PDE4D: variants seen among roughly 807,000 people sequenced by gnomAD.
The protein encoded by PDE4D is 3',5'-cyclic-AMP phosphodiesterase 4D.
A neutral mutation model predicts 87.4 loss-of-function variants in PDE4D; 24 were observed. The observed-to-expected ratio is 0.27, with a 90% confidence interval of 0.20 to 0.39. The LOEUF (loss-of-function observed/expected upper bound fraction) is 0.39, where lower values mean the gene tolerates loss of function less well. Among genes scored for constraint, PDE4D ranks in the 10% least tolerant of loss-of-function variants. The probability of loss-of-function intolerance (pLI) is 1.00; values close to 1 mark genes in which losing one functional copy is unlikely to be tolerated. For synonymous variants in PDE4D, 384 were observed against 383.2 expected, an observed-to-expected ratio of 1.00 and a Z score of -0.02; for missense variants, 714 against 1,041.0, an observed-to-expected ratio of 0.69 and a Z score of 4.32.
chr5:59,356,672 A>T lies in PDE4D; in HGVS notation c.456-140704T>A, dbSNP rs934936783. The T allele has an allele frequency of 5.0e-6, 5 of 1,007,900 alleles. No individual in the cohort carries two copies. The African/African-American group carries it at 8.4e-5, about 17-fold the overall frequency. The allele number at this position is 1,007,900 out of a possible 1,614,324, so 62.4% of individuals were successfully genotyped here. On this transcript the variant is annotated intron_variant, in intron 1 of 14. Coordinates refer to ENST00000340635, the MANE Select transcript of PDE4D (RefSeq NM_001104631.2). ...AATTTAACAAGCATTAGGAGTTAGAAGGTCAACATAGGGCAAAGGCTTATT... is the reference window on the plus strand; with the variant it reads ...AATTTAACAAGCATTAGGAGTTAGATGGTCAACATAGGGCAAAGGCTTATT...
intron 1 of PDE4D, chr5:59,587,604 C>T: frequency 3.0e-6 from 3 of 985,400 alleles, no homozygotes; most frequent in Non-Finnish European, 3.6e-6. Context: ...TTGCAGGCTC[C>T]GTGGTACTGT....
At chr5:59,336,613 G>A (rs1232110030) in intron 1 of PDE4D, among the ~76,000 whole-genome samples, 1 of 152,198 alleles carries the variant, frequency 6.6e-6, no homozygotes, top group Non-Finnish European at 1.5e-5. Context: ...CATGACCTCT[G>A]TTCTCACAGC....
upstream of PDE4D, among the ~76,000 whole-genome samples, chr5:59,896,447 C>T (rs1477150074): frequency 1.3e-5 from 2 of 151,912 alleles, no homozygotes; most frequent in East Asian, 3.9e-4. Context: ...AGAGCTAATC[C>T]AGCACACAAA....
At chr5:60,153,207 T>C (rs1781667519) in intron 2 of PDE4D, among the ~76,000 whole-genome samples, 1 of 152,194 alleles carries the variant, frequency 6.6e-6, no homozygotes, top group South Asian at 2.1e-4. Flanking sequence ...TATTAAAATA[T>C]TGACAAAGGA....
chr5:59,003,558 A>T (rs1354502122), intron 6 of PDE4D, among the ~76,000 whole-genome samples: 1 of 152,156 alleles, frequency 6.6e-6, no homozygotes, highest in African/African-American at 2.4e-5. Flanking sequence ...TTAAGCTCCT[A>T]CTCTATGTCA....
chr5:59,854,724 T>C (rs1484173072), intron 1 of PDE4D, among the ~76,000 whole-genome samples: 2 of 152,080 alleles, frequency 1.3e-5, no homozygotes, highest in Non-Finnish European at 2.9e-5. Flanking sequence ...TATTGCACAA[T>C]TAATACAGTC....
intron 1 of PDE4D, among the ~76,000 whole-genome samples, chr5:59,585,088 G>C (rs1393124546): frequency 6.6e-6 from 1 of 152,130 alleles, no homozygotes; most frequent in African/African-American, 2.4e-5. Flanking sequence ...AGGTTTGCAG[G>C]CATGTCACCC....
chr5:59,456,485 C>T (rs923531675), intron 1 of PDE4D, among the ~76,000 whole-genome samples: 4 of 152,082 alleles, frequency 2.6e-5, no homozygotes, highest in Non-Finnish European at 4.4e-5. Context: ...TTCCCAGTCT[C>T]GGGTATTTCT....
At chr5:59,213,650 T>G (rs1750577754) in intron 2 of PDE4D, among the ~76,000 whole-genome samples, 1 of 152,144 alleles carries the variant, frequency 6.6e-6, no homozygotes, top group Non-Finnish European at 1.5e-5. Flanking sequence ...TTTAAAGAGA[T>G]GCCTGCATTT....
intron 1 of PDE4D, among the ~76,000 whole-genome samples, chr5:59,506,790 C>T (rs547615236): frequency 4.6e-5 from 7 of 151,954 alleles, no homozygotes; most frequent in East Asian, 3.9e-4. Flanking sequence ...AAAGATAATA[C>T]GAAGTGTTGA....
Position 58,972,237 on chromosome 5 carries a change from ATAAAAT to A in PDE4D, c.*2421_*2426del, listed in dbSNP as rs1175379138. The A allele has an allele frequency of 3.9e-5, 6 of 152,622 alleles. No individual in the cohort carries two copies. Among genetic ancestry groups the A allele is most frequent in the African/African-American group, 1.2e-4 (5 of 41,458 alleles). 9.5% of individuals were successfully genotyped at this position (152,622 alleles called of 1,614,324 possible). A position where few individuals can be genotyped will look rare whatever the true frequency, so the allele number is the denominator to read the frequency against. On this transcript the variant is annotated 3_prime_UTR_variant, in exon 15 of 15. Transcript: ENST00000340635. ...CTTTCTAGACTTCACTCAGGGACAA[ATAAAAT>A]TAAAAGAAACAAGTTCCCAAATATT...
intron 3 of PDE4D, among the ~76,000 whole-genome samples, chr5:59,911,894 G>C (rs953310128): frequency 1.3e-5 from 2 of 151,962 alleles, no homozygotes; most frequent in Non-Finnish European, 2.9e-5. Context: ...CCAAAACATA[G>C]GAATAATTTC....
intron 1 of PDE4D, among the ~76,000 whole-genome samples, chr5:60,243,787 T>C (rs1747403241): frequency 6.6e-6 from 1 of 151,952 alleles, no homozygotes; most frequent in African/African-American, 2.4e-5. Flanking sequence ...AAAACCTATG[T>C]ATAGAAGGAA....
At chr5:59,139,172 G>T (rs535046992) in intron 5 of PDE4D, among the ~76,000 whole-genome samples, 3 of 152,264 alleles carry the variant, frequency 2.0e-5, no homozygotes, top group African/African-American at 7.2e-5. Context: ...AAGGTAAGTC[G>T]CAGACAATGA....
chr5:59,017,544 G>A (rs181886698), intron 6 of PDE4D, among the ~76,000 whole-genome samples: 10 of 152,244 alleles, frequency 6.6e-5, no homozygotes, highest in East Asian at 1.9e-4. Context: ...TCCTGTCCCC[G>A]AAGTTCTTCA....
At chr5:60,080,957 C>A (rs1773860453) in intron 2 of PDE4D, among the ~76,000 whole-genome samples, 1 of 152,150 alleles carries the variant, frequency 6.6e-6, no homozygotes, top group Admixed American at 6.5e-5. Context: ...AGGAATGGTA[C>A]CAGTTCCTCT....
chr5:60,123,901 C>CAATAA (rs1361190881), intron 2 of PDE4D, among the ~76,000 whole-genome samples: 2 of 152,020 alleles, frequency 1.3e-5, no homozygotes, highest in African/African-American at 4.8e-5. Context: ...ACAATTACCC[C>CAATAA]ACAACCAAAT....
At chr5:59,924,957 C>T (rs148804804) in intron 3 of PDE4D, among the ~76,000 whole-genome samples, 2 of 151,850 alleles carry the variant, frequency 1.3e-5, no homozygotes, top group Non-Finnish European at 2.9e-5. Flanking sequence ...GGGCAGATCA[C>T]GAGGTCAGGA....
At chr5:59,770,232 T>C (rs1217234716) in intron 1 of PDE4D, among the ~76,000 whole-genome samples, 1 of 152,192 alleles carries the variant, frequency 6.6e-6, no homozygotes, top group African/African-American at 2.4e-5. Context: ...TGTGTGTGTA[T>C]TGTCTATATA....
Sources: allele counts gnomAD v4.1 joint callset (sites outside exome capture counted in the v4.1 genomes callset), GRCh38; gene constraint gnomAD v4.1.1; transcripts MANE v1.5; gene names NCBI Gene and HGNC (gene_info 2026-07-23, HGNC 2026-07-21).